UBE2L3: variants seen among roughly 807,000 people sequenced by gnomAD.
UBE2L3 encodes the protein ubiquitin-conjugating enzyme E2 L3.
A neutral mutation model predicts 17.8 loss-of-function variants in UBE2L3; 1 was observed. The ratio of observed to expected loss-of-function variants is 0.06; its 90% CI spans 0.02 to 0.27. The LOEUF (loss-of-function observed/expected upper bound fraction) is 0.27. Among genes scored for constraint, UBE2L3 ranks in the 10% least tolerant of loss-of-function variants. The pLI, the probability that UBE2L3 is intolerant of heterozygous loss-of-function variation, is 1.00. For synonymous variants in UBE2L3, 44 were observed against 68.5 expected, an observed-to-expected ratio of 0.64 and a Z score of 1.76; for missense variants, 40 against 192.6, an observed-to-expected ratio of 0.21 and a Z score of 4.69.
chr22:21,588,457 TTC>T (rs1568977686), intron 1 of UBE2L3, among the ~76,000 whole-genome samples: 1 of 146,120 alleles, frequency 6.8e-6, no homozygotes, highest in Non-Finnish European at 1.5e-5. Context: ...CCAATTTTTC[TTC>T]TTTCTTTTTT....
chr22:21,611,191 A>G, intron 3 of UBE2L3, 148 bp downstream of exon 3: 2 of 968,478 alleles, frequency 2.1e-6, no homozygotes, highest in Non-Finnish European at 3.0e-6. Flanking sequence ...CCTTGTGGGA[A>G]TGGCTCATCT....
At chr22:21,581,055 A>ATTT (rs576111528) in intron 1 of UBE2L3, among the ~76,000 whole-genome samples, 1 of 130,820 alleles carries the variant, frequency 7.6e-6, no homozygotes, top group Non-Finnish European at 1.6e-5. Flanking sequence ...TGCCCGGCTA[A>ATTT]TTTTTTTTTT....
chr22:21,576,866 C>T (rs1211036143), intron 1 of UBE2L3, among the ~76,000 whole-genome samples: 2 of 144,770 alleles, frequency 1.4e-5, no homozygotes, highest in African/African-American at 2.6e-5. Flanking sequence ...TGCAGTGGCA[C>T]GATCTTGGCT....
At chr22:21,556,378 A>G (rs1926225253) in intron 1 of UBE2L3, among the ~76,000 whole-genome samples, 4 of 152,216 alleles carry the variant, frequency 2.6e-5, no homozygotes, top group African/African-American at 9.7e-5. Context: ...CTGGGCTACA[A>G]AGAGACTCCA....
At chr22:21,573,569 AC>A (rs1927100812) in intron 1 of UBE2L3, among the ~76,000 whole-genome samples, 1 of 151,404 alleles carries the variant, frequency 6.6e-6, no homozygotes, top group African/African-American at 2.4e-5. Flanking sequence ...AGAGGGAAAG[AC>A]CCCCTCTGAC....
chr22:21,601,958 A>C (rs1288519143), intron 2 of UBE2L3, among the ~76,000 whole-genome samples: 2 of 122,158 alleles, frequency 1.6e-5, no homozygotes, highest in Non-Finnish European at 1.7e-5. Context: ...AGCGACAGAG[A>C]CTCCATCTCA....
intron 1 of UBE2L3, among the ~76,000 whole-genome samples, chr22:21,587,023 C>G (rs771476669): frequency 6.6e-6 from 1 of 150,802 alleles, no homozygotes; most frequent in Non-Finnish European, 1.5e-5. Context: ...GTAGCTGGAA[C>G]TACAGGCATG....
chr22:21,598,195 A>ATGTGTGTGTG (rs371127802), intron 2 of UBE2L3, among the ~76,000 whole-genome samples: 8 of 148,394 alleles, frequency 5.4e-5, no homozygotes, highest in South Asian at 2.2e-4. Flanking sequence ...GGTTTCATTA[A>ATGTGTGTGTG]TGTGTGTGTG....
At chr22:21,612,825 C>CG (rs1427556722) in intron 3 of UBE2L3, among the ~76,000 whole-genome samples, 8 of 151,188 alleles carry the variant, frequency 5.3e-5, no homozygotes, top group African/African-American at 1.9e-4. Flanking sequence ...GTAGTAGAGA[C>CG]GGGGTTTCAC....
Position 21,622,483 on chromosome 22 carries a change from G to C in UBE2L3, c.*814G>C, listed in dbSNP as rs1337202099. 6.5e-6 allele frequency: 1 copy of C among 152,834 alleles called. No homozygotes were observed. Among genetic ancestry groups the C allele is most frequent in the African/African-American group, 2.4e-5 (1 of 41,444 alleles). The allele number at this position is 152,834 out of a possible 1,614,324, so 9.5% of individuals were successfully genotyped here. A position where few individuals can be genotyped will look rare whatever the true frequency, so the allele number is the denominator to read the frequency against. ...GATGAATCTCGCCAGAAAGGCTCCT[G>C]AGGTCCCAGGTTGGCACTTCTCCCT... On this transcript the variant is annotated 3_prime_UTR_variant, in exon 4 of 4. Transcript: ENST00000342192.
intron 1 of UBE2L3, among the ~76,000 whole-genome samples, chr22:21,578,033 A>G (rs898789274): frequency 2.0e-5 from 3 of 152,130 alleles, no homozygotes. Flanking sequence ...GGCTTATAAA[A>G]AAGTGTTTCA....
At chr22:21,557,446 C>A (rs1293861276) in intron 1 of UBE2L3, among the ~76,000 whole-genome samples, 2 of 152,246 alleles carry the variant, frequency 1.3e-5, no homozygotes, top group African/African-American at 4.8e-5. Flanking sequence ...AACAGAAATA[C>A]CATAGGCCTG....
At chr22:21,604,221 T>C (rs1187790731) in intron 2 of UBE2L3, among the ~76,000 whole-genome samples, 2 of 152,192 alleles carry the variant, frequency 1.3e-5, no homozygotes, top group Non-Finnish European at 2.9e-5. Flanking sequence ...TGAAATCAGC[T>C]GGGCGTAGTG....
At chr22:21,565,351 C>T (rs1926590377), upstream of UBE2L3, among the ~76,000 whole-genome samples, 1 of 151,798 alleles carries the variant, frequency 6.6e-6, no homozygotes, top group Non-Finnish European at 1.5e-5. Flanking sequence ...CTCGGCTTCC[C>T]AAAGTGCTGG....
intron 2 of UBE2L3, among the ~76,000 whole-genome samples, chr22:21,598,765 C>G (rs1157787127): frequency 6.6e-6 from 1 of 151,820 alleles, no homozygotes; most frequent in Non-Finnish European, 1.5e-5. Flanking sequence ...AACTCCTGGG[C>G]TCAAGCGATC....
intron 1 of UBE2L3, among the ~76,000 whole-genome samples, chr22:21,591,581 A>G (rs1242415041): frequency 6.6e-6 from 1 of 152,012 alleles, no homozygotes; most frequent in Non-Finnish European, 1.5e-5. Context: ...TTCCTTGCCA[A>G]TTGTTTCCTT....
intron 1 of UBE2L3, among the ~76,000 whole-genome samples, chr22:21,556,981 G>A (rs1433894580): frequency 1.2e-4 from 19 of 152,226 alleles, no homozygotes; most frequent in Admixed American, 6.5e-5. Flanking sequence ...TTGAACTCAG[G>A]AGGTGGAGGT....
chr22:21,612,988 G>T (rs1929584059), intron 3 of UBE2L3, among the ~76,000 whole-genome samples: 1 of 152,140 alleles, frequency 6.6e-6, no homozygotes, highest in South Asian at 2.1e-4. Flanking sequence ...ACCTATAGCT[G>T]CATTTGATCA....
rs140628008 is a variant in UBE2L3, at chr22:21,595,857, C to T, written c.123+2901C>T. On this transcript the variant is annotated intron_variant, in intron 2 of 3. Transcript: ENST00000342192. ...AACCTTCAGCATACTTCCTCTCAGC[C>T]TTTTTTCATGCAGTTTCTTTTTTTT... 7.0e-3 allele frequency among the ~76,000 whole-genome samples: 1,065 copies of T among 152,062 alleles called. 10 individuals are homozygous for T. The highest frequency in any genetic ancestry group is 0.024 in the African/African-American group (992 of 41,492).
Sources: allele counts gnomAD v4.1 joint callset (sites outside exome capture counted in the v4.1 genomes callset), GRCh38; gene constraint gnomAD v4.1.1; transcripts MANE v1.5; gene names NCBI Gene and HGNC (gene_info 2026-07-23, HGNC 2026-07-21).